Variants in ZFAND3 observed in about 807,000 individuals in gnomAD.
ZFAND3 encodes the protein zinc finger AN1-type containing 3.
A neutral mutation model predicts 29.6 loss-of-function variants in ZFAND3; 10 were observed. That is an observed-to-expected ratio of 0.34 (90% CI 0.21 to 0.57). The LOEUF is 0.57. Among genes scored for constraint, ZFAND3 ranks in the 20% least tolerant of loss-of-function variants. The pLI is 0.86. For missense variants in ZFAND3, 230 were observed against 304.5 expected (o/e 0.76, Z 1.82); for synonymous variants, 128 against 112.6 (o/e 1.14, Z -0.87).
intron 1 of ZFAND3, among the ~76,000 whole-genome samples, chr6:37,859,190 C>G (rs1764436397): frequency 6.6e-6 from 1 of 152,178 alleles, no homozygotes; most frequent in Non-Finnish European, 1.5e-5. Flanking sequence ...AATTCCATTA[C>G]CTGCTTTACA....
intron 1 of ZFAND3, among the ~76,000 whole-genome samples, chr6:37,820,385 TCCTC>T (rs1170034800): frequency 6.6e-6 from 1 of 152,182 alleles, no homozygotes; most frequent in South Asian, 2.1e-4. Context: ...AGCCAGCCCT[TCCTC>T]CCTCCCGGGG....
chr6:38,103,374 A>ACT (rs200750608), intron 4 of ZFAND3, among the ~76,000 whole-genome samples: 1 of 146,904 alleles, frequency 6.8e-6, no homozygotes, highest in Admixed American at 6.8e-5. Flanking sequence ...ATATACACAC[A>ACT]ATATATATAT....
At chr6:37,981,236 G>A (rs892521440) in intron 2 of ZFAND3, among the ~76,000 whole-genome samples, 11 of 152,154 alleles carry the variant, frequency 7.2e-5, no homozygotes, top group African/African-American at 2.4e-4. Flanking sequence ...TAGGAATAGC[G>A]TGTTTCTTGT....
chr6:38,023,888 A>G (rs140929749), intron 2 of ZFAND3, among the ~76,000 whole-genome samples: 2 of 152,228 alleles, frequency 1.3e-5, no homozygotes, highest in Non-Finnish European at 2.9e-5. Flanking sequence ...GTGCAGTGGT[A>G]TGTGTATGTA....
At chr6:37,839,231 A>T (rs11968604) in intron 1 of ZFAND3, among the ~76,000 whole-genome samples, 19,649 of 150,362 alleles carry the variant, frequency 0.13, 2,080 homozygotes, top group African/African-American at 0.3. Context: ...CCCAGGCTGG[A>T]GTGCAGTGGC....
chr6:37,994,285 A>C (rs539040340), intron 2 of ZFAND3, among the ~76,000 whole-genome samples: 1 of 152,168 alleles, frequency 6.6e-6, no homozygotes, highest in Non-Finnish European at 1.5e-5. Flanking sequence ...GGAACTGACA[A>C]AACACTCTTT....
chr6:37,828,504 T>A (rs1197931359), intron 1 of ZFAND3, among the ~76,000 whole-genome samples: 1 of 152,242 alleles, frequency 6.6e-6, no homozygotes, highest in Non-Finnish European at 1.5e-5. Flanking sequence ...TAGTTATTCT[T>A]AAACTAGTCA....
At chr6:37,949,625 C>T (rs946412381) in intron 2 of ZFAND3, among the ~76,000 whole-genome samples, 27 of 152,172 alleles carry the variant, frequency 1.8e-4, no homozygotes, top group African/African-American at 6.3e-4. Flanking sequence ...CCACAACCCC[C>T]TCTTTGGGTT....
chr6:38,038,267 A>G (rs2127454508), intron 2 of ZFAND3, among the ~76,000 whole-genome samples: 1 of 152,248 alleles, frequency 6.6e-6, no homozygotes, highest in Admixed American at 6.5e-5. Context: ...TTGACGATAC[A>G]TTTTGCTTCC....
At chr6:37,840,213 T>C (rs900547015) in intron 1 of ZFAND3, among the ~76,000 whole-genome samples, 8 of 152,160 alleles carry the variant, frequency 5.3e-5, no homozygotes, top group African/African-American at 1.4e-4. Flanking sequence ...TTCTCCTGCC[T>C]CAGCCCCCAA....
chr6:37,820,250 T>G (rs1763638582), intron 1 of ZFAND3, among the ~76,000 whole-genome samples: 2 of 150,374 alleles, frequency 1.3e-5, no homozygotes, highest in South Asian at 4.2e-4. Context: ...CTCGCCGGCC[T>G]GAAGCTCGGG....
At position 38,034,822 on chromosome 6, in the gene ZFAND3, AAATTTGACTTTT is replaced by A. The variant is rs571838966; in HGVS notation, c.113-26763_113-26752del. ...CATAGGCCTTTTTGATTAATACTTC[AAATTTGACTTTT>A]AATTTGATACATACAATTGTTCTCA... is the stretch of plus-strand genomic sequence containing the variant. On this transcript the variant is annotated intron_variant, in intron 2 of 5. Transcript: ENST00000287218. 2.6e-3 allele frequency among the ~76,000 whole-genome samples: 390 copies of A among 152,234 alleles called. 1 individual carries two copies. The highest frequency in any genetic ancestry group is 7.5e-3 in the South Asian group (36 of 4,824).
intron 4 of ZFAND3, among the ~76,000 whole-genome samples, chr6:38,105,719 G>C (rs1765193726): frequency 6.6e-6 from 1 of 152,042 alleles, no homozygotes; most frequent in Non-Finnish European, 1.5e-5. Flanking sequence ...GGATGAAGGG[G>C]GCATGGGATC....
At chr6:38,005,201 A>G (rs1440487108) in intron 2 of ZFAND3, among the ~76,000 whole-genome samples, 3 of 152,170 alleles carry the variant, frequency 2.0e-5, no homozygotes, top group Admixed American at 6.5e-5. Context: ...AGCTCCACAT[A>G]TGATGGTTTT....
chr6:37,861,135 T>C (rs538160325), intron 1 of ZFAND3, among the ~76,000 whole-genome samples: 127 of 152,254 alleles, frequency 8.3e-4, no homozygotes, highest in African/African-American at 2.8e-3. Context: ...CACACTCTTA[T>C]AATCTAAGCT....
intron 2 of ZFAND3, among the ~76,000 whole-genome samples, chr6:37,995,443 A>C (rs1762833755): frequency 6.6e-6 from 1 of 152,180 alleles, no homozygotes; most frequent in Non-Finnish European, 1.5e-5. Flanking sequence ...GTTTCTATTA[A>C]TGAAAGGTTC....
At chr6:37,917,443 T>C (rs1050863253) in intron 1 of ZFAND3, among the ~76,000 whole-genome samples, 4 of 152,342 alleles carry the variant, frequency 2.6e-5, no homozygotes, top group African/African-American at 9.6e-5. Context: ...AGGAAATATG[T>C]GTTGGACATT....
chr6:37,939,468 T>A (rs901072622), intron 2 of ZFAND3, among the ~76,000 whole-genome samples: 1 of 152,156 alleles, frequency 6.6e-6, no homozygotes, highest in South Asian at 2.1e-4. Context: ...TTAACTTAAT[T>A]ACATCTGCAG....
intron 1 of ZFAND3, among the ~76,000 whole-genome samples, chr6:37,895,328 C>A (rs1040295662): frequency 6.6e-6 from 1 of 151,336 alleles, no homozygotes; most frequent in East Asian, 1.9e-4. Context: ...AGTTCTATTA[C>A]GTTCTTTTTC....
Sources: gnomAD v4.1 joint callset for allele counts (sites outside exome capture counted in the v4.1 genomes callset) on GRCh38, gnomAD v4.1.1 for gene constraint, MANE v1.5 for transcripts, NCBI Gene and HGNC (gene_info 2026-07-23, HGNC 2026-07-21) for gene names.